The following CNTN4 variants were observed in gnomAD, a reference collection of about 807,000 sequenced individuals.
CNTN4 encodes contactin 4.
A neutral mutation model predicts 122.5 loss-of-function variants in CNTN4; 77 were observed. The ratio of observed to expected loss-of-function variants is 0.63; its 90% CI spans 0.52 to 0.76. The LOEUF (loss-of-function observed/expected upper bound fraction) is 0.76, where lower values mean the gene tolerates loss of function less well. Ranked by LOEUF, CNTN4 falls within the 30% of genes least tolerant of loss-of-function variation. The pLI is 0.00. For missense variants in CNTN4, 1,256 were observed against 1,259.1 expected (o/e 1.00, Z 0.04); for synonymous variants, 512 against 447.0 (o/e 1.15, Z -1.83).
chr3:2,458,844 T>C (rs1250647603), intron 3 of CNTN4, among the ~76,000 whole-genome samples: 1 of 152,136 alleles, frequency 6.6e-6, no homozygotes, highest in Admixed American at 6.6e-5. Flanking sequence ...TAATGCAGGG[T>C]ATTGGCTTTG....
chr3:2,867,207 A>G (rs577869322), intron 8 of CNTN4, among the ~76,000 whole-genome samples: 5 of 152,334 alleles, frequency 3.3e-5, no homozygotes, highest in African/African-American at 1.2e-4. Flanking sequence ...TATAAATAAC[A>G]AAGGAAGGTA....
chr3:2,798,821 T>C (rs1469979915), intron 6 of CNTN4, among the ~76,000 whole-genome samples: 1 of 152,168 alleles, frequency 6.6e-6, no homozygotes, highest in African/African-American at 2.4e-5. Context: ...GGTATCCTTT[T>C]GATATAATGA....
At chr3:2,917,256 G>T (rs2151290290) in intron 12 of CNTN4, among the ~76,000 whole-genome samples, 1 of 151,934 alleles carries the variant, frequency 6.6e-6, no homozygotes, top group African/African-American at 2.4e-5. Context: ...CAGCAGCACA[G>T]TCCAGCTTCG....
intron 13 of CNTN4, among the ~76,000 whole-genome samples, chr3:2,968,721 C>T (rs1416580746): frequency 6.6e-6 from 1 of 152,166 alleles, no homozygotes; most frequent in Non-Finnish European, 1.5e-5. Flanking sequence ...AGCAAAAGGA[C>T]TATATTGCAT....
chr3:2,641,114 A>T (rs1257880848), intron 4 of CNTN4, among the ~76,000 whole-genome samples: 2 of 152,200 alleles, frequency 1.3e-5, no homozygotes, highest in Admixed American at 1.3e-4. Context: ...AATGCTATAT[A>T]CAACTTCAAC....
At chr3:2,487,436 C>G (rs1241287798) in intron 3 of CNTN4, among the ~76,000 whole-genome samples, 1 of 152,164 alleles carries the variant, frequency 6.6e-6, no homozygotes, top group Non-Finnish European at 1.5e-5. Context: ...AATTTACCAG[C>G]CAAGCATTTA....
chr3:2,243,265 T>C (rs1325566250), intron 2 of CNTN4, among the ~76,000 whole-genome samples: 1 of 152,136 alleles, frequency 6.6e-6, no homozygotes, highest in East Asian at 1.9e-4. Context: ...ACTTTGTAAC[T>C]GTATGTATTT....
At chr3:2,628,718 C>T (rs780874901) in intron 4 of CNTN4, among the ~76,000 whole-genome samples, 8 of 152,106 alleles carry the variant, frequency 5.3e-5, no homozygotes, top group Non-Finnish European at 7.4e-5. Context: ...CCAGTAGTTC[C>T]GTGTCTGATG....
At chr3:3,025,848 C>A (rs1242919439) in intron 14 of CNTN4, among the ~76,000 whole-genome samples, 2 of 152,138 alleles carry the variant, frequency 1.3e-5, no homozygotes, top group Non-Finnish European at 2.9e-5. Context: ...GAGATCTCAC[C>A]TCCATGCTCC....
chr3:2,966,639 T>A lies in CNTN4; in HGVS notation c.1359-21706T>A, dbSNP rs75790596. 8.5e-5 allele frequency among the ~76,000 whole-genome samples: 13 copies of A among 152,304 alleles called. No individual in the cohort carries two copies. In the South Asian group the frequency reaches 2.3e-3, roughly 27 times the overall value. ...TAAAAGCACAAAATTTGAATGTTCC[T>A]AATACAAAGAAATGATAAATGAGGT... On this transcript the variant is annotated intron_variant, in intron 13 of 24. Coordinates refer to ENST00000418658, the MANE Select transcript of CNTN4 (RefSeq NM_175607.3).
In CNTN4 at chr3:2,841,678, C is replaced by G. The variant is rs1316642502; in HGVS notation, c.454+22097C>G. On this transcript the variant is annotated intron_variant, in intron 7 of 24. Coordinates refer to ENST00000418658, the MANE Select transcript of CNTN4 (RefSeq NM_175607.3). The surrounding 1 kb of genome is among the most constrained non-coding windows in gnomAD (Gnocchi z 4.8). ...CTTTGTTATATGGTAGAAGTATAGT[C>G]CGTAAGGAATAGAAAGGACGAGGTT... Among the ~76,000 whole-genome samples the G allele has an allele frequency of 1.3e-5, 2 of 152,098 alleles. No individual in the cohort carries two copies. Among genetic ancestry groups the G allele is most frequent in the Non-Finnish European group, 2.9e-5 (2 of 68,018 alleles).
At chr3:2,354,021 TA>T (rs1287805239) in intron 3 of CNTN4, among the ~76,000 whole-genome samples, 1 of 152,218 alleles carries the variant, frequency 6.6e-6, no homozygotes, top group Non-Finnish European at 1.5e-5. Flanking sequence ...CTAATCCTTA[TA>T]AACACATTTT....
At chr3:2,124,851 G>T (rs545991222) in intron 2 of CNTN4, among the ~76,000 whole-genome samples, 3 of 152,064 alleles carry the variant, frequency 2.0e-5, no homozygotes, top group Non-Finnish European at 4.4e-5. Context: ...TACAATTTGC[G>T]GATTTTAATA....
At chr3:2,126,359 G>A (rs1036646976) in intron 2 of CNTN4, among the ~76,000 whole-genome samples, 5 of 152,096 alleles carry the variant, frequency 3.3e-5, no homozygotes, top group Non-Finnish European at 5.9e-5. Flanking sequence ...GATTTCCTAG[G>A]ATTAAAATGC....
At chr3:2,672,203 C>T (rs2084562317) in intron 4 of CNTN4, among the ~76,000 whole-genome samples, 2 of 152,202 alleles carry the variant, frequency 1.3e-5, no homozygotes, top group Admixed American at 1.3e-4. Context: ...CTATGCCCTG[C>T]CCCCAGTGGT....
intron 2 of CNTN4, among the ~76,000 whole-genome samples, chr3:2,109,481 T>C (rs894135200): frequency 1.3e-5 from 2 of 152,220 alleles, no homozygotes; most frequent in Non-Finnish European, 2.9e-5. Context: ...AAATACTTTG[T>C]AACTTGCACA....
intron 22 of CNTN4, 80 bp downstream of exon 22, chr3:3,043,243 T>C: frequency 1.5e-6 from 2 of 1,330,776 alleles, no homozygotes; most frequent in South Asian, 1.2e-5. Context: ...CACCTCCCAA[T>C]GATCATTTGC....
At chr3:3,021,660 T>A (rs934582410) in intron 14 of CNTN4, among the ~76,000 whole-genome samples, 1 of 152,226 alleles carries the variant, frequency 6.6e-6, no homozygotes, top group African/African-American at 2.4e-5. Flanking sequence ...ACCAAGTGAA[T>A]ATCTTGGCAC....
At chr3:2,486,189 C>A (rs1346183615) in intron 3 of CNTN4, among the ~76,000 whole-genome samples, 2 of 152,066 alleles carry the variant, frequency 1.3e-5, no homozygotes, top group African/African-American at 4.8e-5. Context: ...CTCCTGAAGC[C>A]CGCGAGATCA....
Sources: allele counts gnomAD v4.1 joint callset (sites outside exome capture counted in the v4.1 genomes callset), GRCh38; gene constraint gnomAD v4.1.1; non-coding constraint Gnocchi (gnomAD v3.1); transcripts MANE v1.5; gene names NCBI Gene and HGNC (gene_info 2026-07-23, HGNC 2026-07-21).